NCOA1: variants seen among roughly 807,000 people sequenced by gnomAD.
The protein encoded by NCOA1 is nuclear receptor coactivator 1, also known as Hin-2 protein.
In NCOA1, 35 loss-of-function variants were observed where a neutral mutation model predicts 150.9. That is an observed-to-expected ratio of 0.23 (90% CI 0.18 to 0.31). The LOEUF (loss-of-function observed/expected upper bound fraction) is 0.31, where lower values mean the gene tolerates loss of function less well. Ranked by LOEUF, NCOA1 falls within the 10% of genes least tolerant of loss-of-function variation. The probability of loss-of-function intolerance (pLI) is 1.00; values close to 1 mark genes in which losing one functional copy is unlikely to be tolerated. For synonymous variants in NCOA1, 590 were observed against 630.0 expected, an observed-to-expected ratio of 0.94 and a Z score of 0.95; for missense variants, 1,491 against 1,749.3, an observed-to-expected ratio of 0.85 and a Z score of 2.63.
intron 21 of NCOA1, among the ~76,000 whole-genome samples, chr2:24,760,409 G>A (rs962154972): frequency 4.1e-4 from 61 of 149,438 alleles, no homozygotes; most frequent in African/African-American, 1.4e-3. Flanking sequence ...TGCCCGCCTC[G>A]GCCTCCCAAA....
chr2:24,746,745 G>A (rs945311493), intron 19 of NCOA1, among the ~76,000 whole-genome samples: 25 of 152,250 alleles, frequency 1.6e-4, no homozygotes, highest in African/African-American at 5.8e-4. Context: ...ACGATTTTTA[G>A]AGAAATGAAA....
At chr2:24,605,804 C>G (rs1489767633) in intron 3 of NCOA1, among the ~76,000 whole-genome samples, 3 of 152,132 alleles carry the variant, frequency 2.0e-5, no homozygotes, top group Non-Finnish European at 4.4e-5. Context: ...GTAATCTATG[C>G]CACTTTTAGG....
In NCOA1 at chr2:24,496,930, TATTA is replaced by T. The variant is rs568148716; in HGVS notation, c.-396+5333_-396+5336del. Among the ~76,000 whole-genome samples the T allele has an allele frequency of 3.2e-4, 49 of 152,354 alleles. No homozygotes were observed. The South Asian group carries it at 0.01, about 32-fold the overall frequency. On this transcript the variant is annotated intron_variant, in intron 1 of 22. Transcript: ENST00000348332. Reference sequence around the variant, plus strand: ...ATGACTCTCAAATATTGTAAAAAGGTATTAATTAGGAATTAATTAAGACCGTTTT... The same window carrying T: ...ATGACTCTCAAATATTGTAAAAAGGTATTAGGAATTAATTAAGACCGTTTT...
intron 8 of NCOA1, among the ~76,000 whole-genome samples, chr2:24,688,667 G>A (rs946314149): frequency 6.6e-6 from 1 of 152,012 alleles, no homozygotes; most frequent in Admixed American, 6.6e-5. Context: ...TCAGATGCAT[G>A]GTTTGCAAAT....
chr2:24,655,420 A>T (rs1323102062), intron 4 of NCOA1, among the ~76,000 whole-genome samples: 1 of 152,232 alleles, frequency 6.6e-6, no homozygotes, highest in Non-Finnish European at 1.5e-5. Context: ...AATACATAAT[A>T]CATGGCATAT....
chr2:24,619,094 A>G (rs1259910365), intron 3 of NCOA1, among the ~76,000 whole-genome samples: 1 of 152,246 alleles, frequency 6.6e-6, no homozygotes, highest in Non-Finnish European at 1.5e-5. Context: ...CTTCTGCTAT[A>G]GTCAACAATT....
At chr2:24,561,131 A>G (rs760224642) in intron 1 of NCOA1, among the ~76,000 whole-genome samples, 4 of 152,184 alleles carry the variant, frequency 2.6e-5, no homozygotes, top group African/African-American at 4.8e-5. Flanking sequence ...ATTTTTTGTA[A>G]GAAGGCAGGA....
chr2:24,521,182 G>GAT (rs920152468), intron 1 of NCOA1, among the ~76,000 whole-genome samples: 4 of 151,976 alleles, frequency 2.6e-5, no homozygotes, highest in African/African-American at 9.7e-5. Context: ...ATGGTATTTT[G>GAT]ATATATATAT....
At chr2:24,666,351 A>G (rs1671428426) in intron 6 of NCOA1, among the ~76,000 whole-genome samples, 1 of 152,144 alleles carries the variant, frequency 6.6e-6, no homozygotes, top group Non-Finnish European at 1.5e-5. Context: ...TGAACATTAT[A>G]ATTTTATAAA....
At chr2:24,520,022 ATAAT>A (rs1335024591) in intron 1 of NCOA1, among the ~76,000 whole-genome samples, 4 of 152,224 alleles carry the variant, frequency 2.6e-5, no homozygotes, top group Non-Finnish European at 2.9e-5. Flanking sequence ...GATAATAAAC[ATAAT>A]TAATCATTAC....
chr2:24,648,401 T>C (rs1162133541), intron 4 of NCOA1, among the ~76,000 whole-genome samples: 3 of 152,144 alleles, frequency 2.0e-5, no homozygotes. Context: ...GCCTTCCAAG[T>C]AGCTGGGATT....
intron 1 of NCOA1, among the ~76,000 whole-genome samples, chr2:24,520,369 A>G (rs192127623): frequency 7.9e-5 from 12 of 152,342 alleles, no homozygotes; most frequent in Non-Finnish European, 1.6e-4. Context: ...TTAATAGGTA[A>G]ATGGATAGAT....
intron 8 of NCOA1, among the ~76,000 whole-genome samples, chr2:24,688,560 A>G (rs1368614231): frequency 6.6e-6 from 1 of 152,112 alleles, no homozygotes; most frequent in African/African-American, 2.4e-5. Flanking sequence ...TCTTTTGAAA[A>G]GTGTCTGTTG....
Position 24,710,989 on chromosome 2 carries a change from A to G in NCOA1, c.2477A>G (p.Gln826Arg). 3.1e-6 allele frequency: 5 copies of G among 1,614,232 alleles called. No individual in the cohort carries two copies. Among genetic ancestry groups the G allele is most frequent in the South Asian group, 1.1e-5 (1 of 91,092 alleles). ...QLLPTLEKAA[Q>R]LPGLCETDRM... is the part of the protein sequence containing the mutation. ...CTGCCCACGCTGGAGAAGGCAGCAC[A>G]GTTGCCAGGCTTATGTGAGACAGAC... The change falls in exon 14 of 23, where the codon CAG becomes CGG. Residue 826 changes from glutamine to arginine, a missense_variant. Physicochemically the swap from Gln to Arg is conservative, Grantham distance 43. Coordinates refer to ENST00000348332, the MANE Select transcript of NCOA1 (RefSeq NM_003743.5).
intron 1 of NCOA1, among the ~76,000 whole-genome samples, chr2:24,551,116 C>G (rs1665814810): frequency 6.7e-6 from 1 of 149,114 alleles, no homozygotes; most frequent in Non-Finnish European, 1.5e-5. Flanking sequence ...AAAAAAAGCT[C>G]TGATAGTTTT....
intron 17 of NCOA1, among the ~76,000 whole-genome samples, chr2:24,736,460 A>T (rs555876591): frequency 1.3e-5 from 2 of 152,290 alleles, no homozygotes; most frequent in Admixed American, 1.3e-4. Context: ...GAACAAATGT[A>T]CGTATCTGAC....
chr2:24,517,283 C>G (rs925149858), intron 1 of NCOA1, among the ~76,000 whole-genome samples: 18 of 151,570 alleles, frequency 1.2e-4, no homozygotes, highest in Non-Finnish European at 2.2e-4. Context: ...TTTCTCTCTC[C>G]TTCCGTTCTG....
intron 1 of NCOA1, among the ~76,000 whole-genome samples, chr2:24,518,387 C>G (rs1664291999): frequency 6.6e-6 from 1 of 152,038 alleles, no homozygotes; most frequent in Non-Finnish European, 1.5e-5. Context: ...TAACATTATA[C>G]TTAATGACGA....
chr2:24,613,512 A>G (rs750567281), intron 3 of NCOA1, among the ~76,000 whole-genome samples: 2 of 152,200 alleles, frequency 1.3e-5, no homozygotes, highest in Non-Finnish European at 2.9e-5. Context: ...GGTCCTAGGC[A>G]TGGAGCTGGC....
Sources: allele counts gnomAD v4.1 joint callset (sites outside exome capture counted in the v4.1 genomes callset), GRCh38; gene constraint gnomAD v4.1.1; transcripts MANE v1.5; gene names NCBI Gene and HGNC (gene_info 2026-07-23, HGNC 2026-07-21).